NRXN1: variants seen among roughly 807,000 people sequenced by gnomAD.
NRXN1 encodes neurexin 1, also known as neurexin-1.
A neutral mutation model predicts 150.9 loss-of-function variants in NRXN1; 39 were observed. That is an observed-to-expected ratio of 0.26 (90% CI 0.20 to 0.34). NRXN1 has a LOEUF of 0.34. Ranked by LOEUF, NRXN1 falls within the 10% of genes least tolerant of loss-of-function variation. The probability of loss-of-function intolerance (pLI) is 1.00; values close to 1 mark genes in which losing one functional copy is unlikely to be tolerated. For missense variants in NRXN1, 1,815 were observed against 1,949.9 expected, an observed-to-expected ratio of 0.93 and a Z score of 1.30; for synonymous variants, 924 against 757.0, an observed-to-expected ratio of 1.22 and a Z score of -3.62.
chr2:50,285,983 T>A (rs1433048320), intron 17 of NRXN1, among the ~76,000 whole-genome samples: 2 of 152,010 alleles, frequency 1.3e-5, no homozygotes, highest in Admixed American at 1.3e-4. Context: ...AAAAGATATA[T>A]CTCTCAGGTA....
intron 5 of NRXN1, among the ~76,000 whole-genome samples, chr2:50,708,803 C>T (rs1694767344): frequency 6.6e-6 from 1 of 152,026 alleles, no homozygotes; most frequent in African/African-American, 2.4e-5. Flanking sequence ...CTTGAAACTA[C>T]TCATGTAAGG....
intron 8 of NRXN1, among the ~76,000 whole-genome samples, chr2:50,612,706 G>A (rs910265615): frequency 6.6e-6 from 1 of 152,304 alleles, no homozygotes; most frequent in Admixed American, 6.5e-5. Context: ...TTTATGCCAT[G>A]GGGGTTTGTT....
chr2:50,762,664 C>A (rs189258095), intron 5 of NRXN1, among the ~76,000 whole-genome samples: 37 of 152,006 alleles, frequency 2.4e-4, no homozygotes, highest in African/African-American at 6.7e-4. Flanking sequence ...CTGCAAAAAA[C>A]ATGATTTCAT....
intron 5 of NRXN1, among the ~76,000 whole-genome samples, chr2:50,705,030 A>G (rs1184144275): frequency 7.1e-6 from 1 of 141,434 alleles, no homozygotes; most frequent in East Asian, 2.1e-4. Flanking sequence ...TTTGTTTACA[A>G]TATATACACA....
intron 5 of NRXN1, among the ~76,000 whole-genome samples, chr2:50,648,500 C>T (rs1685136279): frequency 6.6e-6 from 1 of 151,992 alleles, no homozygotes; most frequent in Non-Finnish European, 1.5e-5. Flanking sequence ...GGCTTGTCTT[C>T]TGCATGACCC....
intron 22 of NRXN1, among the ~76,000 whole-genome samples, chr2:49,928,120 C>G (rs1003880587): frequency 6.6e-6 from 1 of 150,484 alleles, no homozygotes; most frequent in African/African-American, 2.5e-5. Context: ...AAAAAACATG[C>G]TAGTGGTTAA....
chr2:50,523,918 A>T (rs1366461033), intron 12 of NRXN1, among the ~76,000 whole-genome samples: 2 of 152,176 alleles, frequency 1.3e-5, no homozygotes, highest in Admixed American at 1.3e-4. Context: ...ATTTTCTGTG[A>T]GAAGCCAAAA....
intron 22 of NRXN1, among the ~76,000 whole-genome samples, chr2:49,936,317 G>A (rs1419045997): frequency 2.0e-5 from 3 of 152,178 alleles, no homozygotes; most frequent in Non-Finnish European, 4.4e-5. Flanking sequence ...CAGATCAAAT[G>A]CATAATGCCT....
At chr2:50,954,936 G>C (rs1430578022) in intron 2 of NRXN1, among the ~76,000 whole-genome samples, 1 of 152,132 alleles carries the variant, frequency 6.6e-6, no homozygotes, top group Non-Finnish European at 1.5e-5. Flanking sequence ...TGCTATAGGA[G>C]ATAAACAGAT....
chr2:50,576,899 T>A (rs1273501612), intron 8 of NRXN1, among the ~76,000 whole-genome samples: 1 of 152,112 alleles, frequency 6.6e-6, no homozygotes, highest in Non-Finnish European at 1.5e-5. Context: ...TAGCTCTTCT[T>A]TGGGGCTTTA....
intron 17 of NRXN1, among the ~76,000 whole-genome samples, chr2:50,372,296 C>A (rs566001106): frequency 7.2e-5 from 11 of 152,164 alleles, no homozygotes; most frequent in Admixed American, 6.5e-4. Flanking sequence ...TGTGTTCTCT[C>A]TTTTTGCTGG....
chr2:50,327,868 G>A (rs1343738694), intron 17 of NRXN1, among the ~76,000 whole-genome samples: 3 of 151,828 alleles, frequency 2.0e-5, no homozygotes, highest in Admixed American at 6.6e-5. Flanking sequence ...CAGGCTGGTC[G>A]CGAACTCCTG....
chr2:50,448,267 A>C (rs976831711), intron 17 of NRXN1, among the ~76,000 whole-genome samples: 2 of 152,310 alleles, frequency 1.3e-5, no homozygotes, highest in African/African-American at 4.8e-5. Flanking sequence ...ATTTCTGGGT[A>C]ATTATAATGC....
At chr2:50,228,605 C>A (rs1288884954) in intron 18 of NRXN1, among the ~76,000 whole-genome samples, 1 of 151,998 alleles carries the variant, frequency 6.6e-6, no homozygotes. Flanking sequence ...GAGCAGCCGG[C>A]ACTTATTTGA....
At chr2:51,017,071 AG>A (rs1387865614) in intron 2 of NRXN1, among the ~76,000 whole-genome samples, 2 of 150,154 alleles carry the variant, frequency 1.3e-5, no homozygotes, top group African/African-American at 2.4e-5. Flanking sequence ...ACATGGACAC[AG>A]GGAGGGGAAC....
intron 17 of NRXN1, among the ~76,000 whole-genome samples, chr2:50,388,309 C>T (rs1480544696): frequency 6.6e-6 from 1 of 152,028 alleles, no homozygotes; most frequent in Non-Finnish European, 1.5e-5. Context: ...ATATAATGTA[C>T]CTACATTTCT....
intron 15 of NRXN1, among the ~76,000 whole-genome samples, chr2:50,495,407 G>C (rs1359302515): frequency 7.5e-6 from 1 of 134,054 alleles, no homozygotes; most frequent in Admixed American, 7.4e-5. Flanking sequence ...GTGTGTGTGT[G>C]TGTGTGTGTG....
intron 22 of NRXN1, among the ~76,000 whole-genome samples, chr2:49,928,537 T>C (rs1669524832): frequency 6.6e-6 from 1 of 152,156 alleles, no homozygotes; most frequent in South Asian, 2.1e-4. Context: ...ATACTCAGTT[T>C]CATTAATACT....
chr2:50,924,674 A>T (rs1362654389), intron 3 of NRXN1, among the ~76,000 whole-genome samples: 1 of 151,782 alleles, frequency 6.6e-6, no homozygotes, highest in African/African-American at 2.4e-5. Context: ...ATACAAAAAC[A>T]GAAGCCATAT....
Sources: gnomAD v4.1 joint callset for allele counts (sites outside exome capture counted in the v4.1 genomes callset) on GRCh38, gnomAD v4.1.1 for gene constraint, MANE v1.5 for transcripts, NCBI Gene and HGNC (gene_info 2026-07-23, HGNC 2026-07-21) for gene names.